The following DIAPH3 variants were observed in gnomAD, a reference collection of about 807,000 sequenced individuals.
DIAPH3 encodes the protein protein diaphanous homolog 3.
A neutral mutation model predicts 144.3 loss-of-function variants in DIAPH3; 117 were observed. That is an observed-to-expected ratio of 0.81 (90% CI 0.70 to 0.95). The LOEUF is 0.95. Ranked by LOEUF, DIAPH3 falls within the 40% of genes least tolerant of loss-of-function variation. DIAPH3 has a pLI of 0.00. For missense variants in DIAPH3, 1,421 were observed against 1,412.7 expected (o/e 1.01, Z -0.09); for synonymous variants, 519 against 488.9 (o/e 1.06, Z -0.81).
intron 22 of DIAPH3, among the ~76,000 whole-genome samples, chr13:59,848,183 T>C (rs2139831627): frequency 6.6e-6 from 1 of 152,230 alleles, no homozygotes; most frequent in South Asian, 2.1e-4. Context: ...CCATTATTCA[T>C]CTACACTTTT....
intron 27 of DIAPH3, among the ~76,000 whole-genome samples, chr13:59,729,810 ATTTTTTT>A (rs59987412): frequency 7.4e-6 from 1 of 134,236 alleles, no homozygotes; most frequent in African/African-American, 3.1e-5. Context: ...ATACATTAAT[ATTTTTTT>A]TTTTTTTTTT....
intron 27 of DIAPH3, among the ~76,000 whole-genome samples, chr13:59,763,425 C>T (rs2037709860): frequency 6.6e-6 from 1 of 151,968 alleles, no homozygotes; most frequent in Non-Finnish European, 1.5e-5. Flanking sequence ...TACCTGAATC[C>T]CAGCACTTTG....
intron 4 of DIAPH3, among the ~76,000 whole-genome samples, chr13:60,053,943 CT>C: frequency 6.6e-6 from 1 of 152,078 alleles, no homozygotes; most frequent in Non-Finnish European, 1.5e-5. Context: ...CCTTCTTTAT[CT>C]GCCTAATGAA....
Position 59,839,320 on chromosome 13 carries a change from A to T in DIAPH3, c.2862+4T>A, listed in dbSNP as rs920251883. ...CTTAAGTTATTTAGCTATCAAAAGGATATGGACATCTTTGTCACAAACTTG... is the reference window on the plus strand; with the variant it reads ...CTTAAGTTATTTAGCTATCAAAAGGTTATGGACATCTTTGTCACAAACTTG... On this transcript the variant is annotated splice_donor_region_variant and intron_variant, in intron 23 of 27. Transcript: ENST00000400324. 5 of 1,613,192 alleles carry T rather than the reference A, an allele frequency of 3.1e-6. No homozygotes were observed. Among genetic ancestry groups the T allele is most frequent in the Non-Finnish European group, 3.4e-6 (4 of 1,179,512 alleles).
At chr13:59,747,096 A>G (rs954726288) in intron 27 of DIAPH3, among the ~76,000 whole-genome samples, 3 of 152,348 alleles carry the variant, frequency 2.0e-5, no homozygotes, top group Admixed American at 6.5e-5. Flanking sequence ...CTAAGCTGCA[A>G]AGAAGTCATA....
chr13:60,066,350 C>G (rs2056965453), intron 4 of DIAPH3, among the ~76,000 whole-genome samples: 1 of 152,098 alleles, frequency 6.6e-6, no homozygotes, highest in Non-Finnish European at 1.5e-5. Context: ...GTAACACTCA[C>G]CTTCATGAAT....
At chr13:59,988,108 C>G (rs1237090944) in intron 12 of DIAPH3, among the ~76,000 whole-genome samples, 1 of 151,820 alleles carries the variant, frequency 6.6e-6, no homozygotes, top group East Asian at 1.9e-4. Flanking sequence ...TGAAGAAAAT[C>G]CACTACAGCT....
At chr13:59,939,081 T>G (rs1341158110) in intron 17 of DIAPH3, among the ~76,000 whole-genome samples, 1 of 152,148 alleles carries the variant, frequency 6.6e-6, no homozygotes, top group Non-Finnish European at 1.5e-5. Flanking sequence ...GTAGTTAAAA[T>G]TTTGCTTTGT....
At chr13:59,999,573 T>C (rs1462333825) in intron 9 of DIAPH3, among the ~76,000 whole-genome samples, 4 of 152,258 alleles carry the variant, frequency 2.6e-5, no homozygotes, top group Admixed American at 2.0e-4. Flanking sequence ...AGCATTTGAA[T>C]TGAAGTCACA....
rs201156125 is a variant in DIAPH3 at position 59,666,696 on chromosome 13, G to A, written c.3470C>T (p.Ala1157Val). ...TTTTCTGTTGCTTTCTACATTACAC[G>A]CTTCCTTCTTCTCAGCTGCCTTGAT... is the stretch of plus-strand genomic sequence containing the variant. ...GRIKAAEKKE[A>V]CNVESNRKKE... Residue 1157 changes from alanine (A) to valine (V), a missense_variant, in exon 28 of 28, where the codon GCG (alanine) becomes GTG (valine). Coordinates refer to ENST00000400324, the MANE Select transcript of DIAPH3 (RefSeq NM_001042517.2). 1,025 of 1,613,996 alleles carry A rather than the reference G, an allele frequency of 6.4e-4. 5 individuals carry two copies. Among genetic ancestry groups the A allele is most frequent in the Middle Eastern group, 1.6e-4 (1 of 6,062 alleles).
intron 24 of DIAPH3, 191 bp downstream of exon 24, chr13:59,832,916 T>A: frequency 1.7e-6 from 1 of 574,124 alleles, no homozygotes. Flanking sequence ...GATTACAGCT[T>A]AATGTTGGAA....
intron 2 of DIAPH3, among the ~76,000 whole-genome samples, chr13:60,131,884 GAACAAAATTCAAGCTAT>G (rs1232512097): frequency 6.6e-6 from 1 of 152,154 alleles, no homozygotes; most frequent in Non-Finnish European, 1.5e-5. Context: ...AAGCAATGTG[GAACAAAATTCAAGCTAT>G]AACTGTATCA....
At chr13:59,847,728 A>AGACT (rs1387253106) in intron 22 of DIAPH3, among the ~76,000 whole-genome samples, 1 of 152,232 alleles carries the variant, frequency 6.6e-6, no homozygotes, top group Admixed American at 6.5e-5. Context: ...TGTTAAGCAC[A>AGACT]GACTGACTGA....
At chr13:59,974,592 A>G (rs2050567912) in intron 14 of DIAPH3, 136 bp from the exon 15 acceptor site, 1 of 800,462 alleles carries the variant, frequency 1.2e-6, no homozygotes, top group Non-Finnish European at 2.0e-6. Flanking sequence ...GGAGTGATAG[A>G]GTTTTGAAAA....
At chr13:59,857,553 C>T (rs995249874) in intron 22 of DIAPH3, among the ~76,000 whole-genome samples, 3 of 152,068 alleles carry the variant, frequency 2.0e-5, no homozygotes, top group Admixed American at 6.6e-5. Flanking sequence ...AATGAGTTAA[C>T]ATTGAATCCA....
intron 4 of DIAPH3, 37 bp downstream of exon 4, chr13:60,093,591 G>T (rs776659777): frequency 1.4e-5 from 19 of 1,373,734 alleles, no homozygotes; most frequent in Middle Eastern, 2.2e-4. Context: ...GTTAAAACAT[G>T]TTCGGCAGTA....
intron 22 of DIAPH3, among the ~76,000 whole-genome samples, chr13:59,846,214 G>A (rs1413504254): frequency 1.3e-5 from 2 of 148,704 alleles, no homozygotes. Context: ...AGTAAGAAAG[G>A]AGAGGTTACA....
chr13:59,681,406 GGTTGAGGCTGCA>G (rs2032938625), intron 27 of DIAPH3, among the ~76,000 whole-genome samples: 1 of 152,158 alleles, frequency 6.6e-6, no homozygotes, highest in Non-Finnish European at 1.5e-5. Flanking sequence ...AAGCCTGGGA[GGTTGAGGCTGCA>G]GTGAGCCATG....
intron 13 of DIAPH3, among the ~76,000 whole-genome samples, chr13:59,982,268 T>C (rs567187625): frequency 1.3e-5 from 2 of 151,544 alleles, no homozygotes; most frequent in South Asian, 4.1e-4. Flanking sequence ...TATTTCCTTC[T>C]CAAGAGCTCA....
Sources: gnomAD v4.1 joint callset for allele counts (sites outside exome capture counted in the v4.1 genomes callset) on GRCh38, gnomAD v4.1.1 for gene constraint, MANE v1.5 for transcripts, NCBI Gene and HGNC (gene_info 2026-07-23, HGNC 2026-07-21) for gene names.